The following PECAM1 variants were observed in gnomAD, a reference collection of about 807,000 sequenced individuals.
PECAM1 encodes the protein platelet and endothelial cell adhesion molecule 1.
In PECAM1, 8 loss-of-function variants were observed where a neutral mutation model predicts 13.8. The ratio of observed to expected loss-of-function variants is 0.58; its 90% CI spans 0.34 to 1.05. The LOEUF (loss-of-function observed/expected upper bound fraction) is 1.05, where lower values mean the gene tolerates loss of function less well. PECAM1 is among the 50% of genes least tolerant of loss of function. PECAM1 has a pLI of 0.03. For synonymous variants in PECAM1, 136 were observed against 52.6 expected (o/e 2.58, Z -6.86); for missense variants, 304 against 141.2 (o/e 2.15, Z -5.84).
intron 14 of PECAM1, among the ~76,000 whole-genome samples, chr17:64,332,878 C>T (rs188323000): frequency 9.8e-5 from 15 of 152,330 alleles, no homozygotes; most frequent in East Asian, 9.6e-4. Context: ...GTGGACTGGG[C>T]GCAGTGGCTC....
chr17:64,334,337 G>A (rs1287433237), intron 14 of PECAM1, among the ~76,000 whole-genome samples: 1 of 152,036 alleles, frequency 6.6e-6, no homozygotes, highest in African/African-American at 2.4e-5. Context: ...TACTCAGGGG[G>A]TGAAAGGGGG....
intron 6 of PECAM1, among the ~76,000 whole-genome samples, chr17:64,361,400 C>G (rs2035977155): frequency 6.6e-6 from 1 of 151,996 alleles, no homozygotes; most frequent in South Asian, 2.1e-4. Context: ...CCCACCTTGG[C>G]CTGCCAAATT....
chr17:64,338,374 C>T (rs917975665), intron 14 of PECAM1, among the ~76,000 whole-genome samples: 1 of 150,992 alleles, frequency 6.6e-6, no homozygotes, highest in Non-Finnish European at 1.5e-5. Flanking sequence ...ACCACCATGC[C>T]CAGCCCTAAA....
chr17:64,321,544 G>T lies in PECAM1; in HGVS notation c.*2272C>A. 1.4e-6 allele frequency: 1 copy of T among 725,952 alleles called. No homozygotes were observed. The highest frequency in any genetic ancestry group is 1.7e-6 in the Non-Finnish European group (1 of 579,224). 45.0% of individuals were successfully genotyped at this position (725,952 alleles called of 1,614,324 possible). On this transcript the variant is annotated 3_prime_UTR_variant, in exon 16 of 16. Coordinates refer to ENST00000563924, the MANE Select transcript of PECAM1 (RefSeq NM_000442.5). ...AGGCCAAGGAGGGAGGATCACTTGA[G>T]CCCAGAAGTTCGAGACCAGCCTGGG...
intron 14 of PECAM1, among the ~76,000 whole-genome samples, chr17:64,337,930 G>A (rs2035325115): frequency 6.7e-6 from 1 of 148,396 alleles, no homozygotes; most frequent in East Asian, 1.9e-4. Flanking sequence ...TTTTTTTTGA[G>A]GCAGATTAAC....
rs2034849588 is a variant in PECAM1 at position 64,323,226 on chromosome 17, GT to G, written c.*589del. 13 of 990,286 alleles carry G rather than the reference GT, an allele frequency of 1.3e-5. No homozygotes were observed. The South Asian group carries it at 5.5e-4, about 42-fold the overall frequency. 61.3% of individuals were successfully genotyped at this position (990,286 alleles called of 1,614,324 possible). On this transcript the variant is annotated 3_prime_UTR_variant, in exon 16 of 16. Transcript: ENST00000563924. ...TTGCCTGAATGAACGGTGTCTTCAGGTTGGTATTTCACAGGCGGTGCTCCCA... is the reference window on the plus strand; with the variant it reads ...TTGCCTGAATGAACGGTGTCTTCAGGTGGTATTTCACAGGCGGTGCTCCCA...
Position 64,319,479 on chromosome 17 carries a change from A to G in PECAM1, c.*4337T>C, listed in dbSNP as rs1427606846. 1 of 152,182 alleles carries G rather than the reference A, an allele frequency of 6.6e-6. No individual in the cohort carries two copies. Among genetic ancestry groups the G allele is most frequent in the Non-Finnish European group, 1.5e-5 (1 of 68,042 alleles). The allele number at this position is 152,182 out of a possible 1,614,324, so 9.4% of individuals were successfully genotyped here. The stretch of plus-strand genomic sequence containing the variant: ...GCAGGAACAAAAGGAAGTACACTAC[A>G]CTTGGGTCAGGCAGGCAACTTGAGA... On this transcript the variant is annotated 3_prime_UTR_variant, in exon 16 of 16. Transcript: ENST00000563924.
intron 7 of PECAM1, among the ~76,000 whole-genome samples, chr17:64,357,314 G>C (rs1024041330): frequency 3.3e-5 from 5 of 152,066 alleles, no homozygotes; most frequent in African/African-American, 4.8e-5. Flanking sequence ...CTAAACCTAT[G>C]GCTCCAGTCC....
At chr17:64,387,969 C>A (rs2143922080) in intron 2 of PECAM1, among the ~76,000 whole-genome samples, 1 of 152,308 alleles carries the variant, frequency 6.6e-6, no homozygotes, top group East Asian at 1.9e-4. Context: ...GTTCCAGCCG[C>A]CGCCCTGCCC....
At chr17:64,332,903 A>G (rs567284295) in intron 14 of PECAM1, among the ~76,000 whole-genome samples, 15 of 152,368 alleles carry the variant, frequency 9.8e-5, no homozygotes, top group Middle Eastern at 3.4e-3. Flanking sequence ...CTGTCATCCC[A>G]GAACTTTGGG....
intron 4 of PECAM1, among the ~76,000 whole-genome samples, chr17:64,371,850 A>G (rs1598044334): frequency 6.6e-6 from 1 of 152,070 alleles, no homozygotes; most frequent in African/African-American, 2.4e-5. Context: ...AAATAAATAA[A>G]ATAAAGGGCT....
chr17:64,382,686 C>T (rs1187978500), intron 2 of PECAM1, among the ~76,000 whole-genome samples: 2 of 151,514 alleles, frequency 1.3e-5, no homozygotes, highest in Non-Finnish European at 2.9e-5. Flanking sequence ...CTATTCAGAG[C>T]TTTAAAGCTG....
rs199493363 is a variant in PECAM1 at position 64,373,526 on chromosome 17, C to CTG, written c.691+1523_691+1524dup. 2.4e-3 allele frequency among the ~76,000 whole-genome samples: 359 copies of CTG among 148,726 alleles called. 2 individuals carry two copies. Among genetic ancestry groups the CTG allele is most frequent in the East Asian group, 7.3e-3 (37 of 5,070 alleles). ...TTTGTAAAAACAAAAGATGTTTTTT[C>CTG]TGTGTGTGTGTGTGTGTGTGTGTGT... On this transcript the variant is annotated intron_variant, in intron 4 of 15. Transcript: ENST00000563924.
Position 64,369,737 on chromosome 17 carries a change from G to A in PECAM1, c.967+13C>T, listed in dbSNP as rs2036198081. 3 of 398,574 alleles carry A rather than the reference G, an allele frequency of 7.5e-6. No individual in the cohort carries two copies. The highest frequency in any genetic ancestry group is 8.8e-5 in the Admixed American group (2 of 22,712). The allele number at this position is 398,574 out of a possible 1,614,324, so 24.7% of individuals were successfully genotyped here. On this transcript the variant is annotated intron_variant, in intron 5 of 15. Transcript: ENST00000563924. ...CGCCATATGCCAACACCCTCCCGCA[G>A]CAGCAGCCCTACCTGTTATGTTGAC...
intron 5 of PECAM1, among the ~76,000 whole-genome samples, chr17:64,367,707 T>A (rs2036142768): frequency 6.6e-6 from 1 of 152,200 alleles, no homozygotes; most frequent in African/African-American, 2.4e-5. Context: ...CTGGTCTAGT[T>A]ATGTCTATGA....
intron 2 of PECAM1, among the ~76,000 whole-genome samples, chr17:64,387,254 C>T (rs1239617775): frequency 6.6e-6 from 1 of 152,096 alleles, no homozygotes; most frequent in Non-Finnish European, 1.5e-5. Flanking sequence ...CCTTGGTGAC[C>T]CCTCAGCAAG....
chr17:64,382,603 C>T (rs905308378), intron 2 of PECAM1, among the ~76,000 whole-genome samples: 10 of 152,066 alleles, frequency 6.6e-5, no homozygotes, highest in African/African-American at 1.2e-4. Flanking sequence ...TATTCTTAAA[C>T]GCCTGGCCTC....
intron 6 of PECAM1, among the ~76,000 whole-genome samples, chr17:64,361,008 G>C (rs2035962781): frequency 6.6e-6 from 1 of 150,686 alleles, no homozygotes; most frequent in African/African-American, 2.4e-5. Flanking sequence ...TTTTTGTAGA[G>C]ACAGGGTCTC....
chr17:64,370,140 T>G (rs1396174325), intron 4 of PECAM1, 115 bp from the exon 5 acceptor site: 1 of 397,540 alleles, frequency 2.5e-6, no homozygotes, highest in Non-Finnish European at 4.4e-6. Flanking sequence ...CTAACTAACT[T>G]TAAAAATTCA....
Sources: gnomAD v4.1 joint callset for allele counts (sites outside exome capture counted in the v4.1 genomes callset) on GRCh38, gnomAD v4.1.1 for gene constraint, MANE v1.5 for transcripts, NCBI Gene and HGNC (gene_info 2026-07-23, HGNC 2026-07-21) for gene names.